Variants in PPFIBP2 observed in about 807,000 individuals in gnomAD.
PPFIBP2 encodes liprin-beta-2.
Under a neutral mutation model 118.3 loss-of-function variants are expected in PPFIBP2, and 118 were observed. That is an observed-to-expected ratio of 1.00 (90% CI 0.86 to 1.16). The LOEUF (loss-of-function observed/expected upper bound fraction) is 1.16. Among genes scored for constraint, PPFIBP2 ranks in the 50% most tolerant of loss-of-function variants. The pLI is 0.00. For missense variants in PPFIBP2, 1,195 were observed against 1,073.1 expected (o/e 1.11, Z -1.59); for synonymous variants, 414 against 397.4 (o/e 1.04, Z -0.50).
At chr11:7,590,823 T>C (rs913250079) in intron 3 of PPFIBP2, among the ~76,000 whole-genome samples, 3 of 152,254 alleles carry the variant, frequency 2.0e-5, no homozygotes, top group Admixed American at 6.5e-5. Context: ...TGAGTTCTAC[T>C]GGGCTCTGTT....
chr11:7,644,945 T>A (rs913173626), intron 17 of PPFIBP2, among the ~76,000 whole-genome samples: 1 of 131,348 alleles, frequency 7.6e-6, no homozygotes, highest in Admixed American at 9.7e-5. Context: ...GAGAATGGCG[T>A]GAACCCGGGA....
chr11:7,605,172 G>A (rs1008173308), intron 5 of PPFIBP2, among the ~76,000 whole-genome samples: 2 of 152,218 alleles, frequency 1.3e-5, no homozygotes, highest in Admixed American at 1.3e-4. Flanking sequence ...ATGTACAATT[G>A]TCGCAGTTTA....
chr11:7,664,201 G>T, the PPFIBP2 span, among the ~76,000 whole-genome samples: 1 of 152,192 alleles, frequency 6.6e-6, no homozygotes, highest in East Asian at 1.9e-4. Flanking sequence ...ATGGGGGTTT[G>T]GGGAAGGAGT....
At chr11:7,529,711 T>G (rs1850521076) in intron 1 of PPFIBP2, among the ~76,000 whole-genome samples, 1 of 152,188 alleles carries the variant, frequency 6.6e-6, no homozygotes, top group Non-Finnish European at 1.5e-5. Flanking sequence ...TCCCCAGCGG[T>G]GTCTTCTCTG....
intron 1 of PPFIBP2, among the ~76,000 whole-genome samples, chr11:7,515,461 G>A (rs1849150196): frequency 6.6e-6 from 1 of 152,186 alleles, no homozygotes. Flanking sequence ...TAGGAACAAA[G>A]TTATGGGAAT....
chr11:7,532,511 G>A (rs1850789065), intron 1 of PPFIBP2, among the ~76,000 whole-genome samples: 1 of 152,234 alleles, frequency 6.6e-6, no homozygotes, highest in Non-Finnish European at 1.5e-5. Context: ...CAGCTAGCTA[G>A]TGGAGGAAGC....
Position 7,636,288 on chromosome 11 carries a change from C to CAACCGTAT in PPFIBP2, c.1236+695_1236+696insAACCGTAT, listed in dbSNP as rs5742006. 7.3e-5 allele frequency among the ~76,000 whole-genome samples: 11 copies of CAACCGTAT among 151,572 alleles called. No homozygotes were observed. The East Asian group carries it at 2.1e-3, about 30-fold the overall frequency. Reference sequence around the variant, plus strand: ...CTGAGAGGGTCATTTTATATTTTCACGGTAAAATGGGGCATCTCTGCTCCT... The same window carrying CAACCGTAT: ...CTGAGAGGGTCATTTTATATTTTCACAACCGTATGGTAAAATGGGGCATCTCTGCTCCT... On this transcript the variant is annotated intron_variant, in intron 14 of 23. Coordinates refer to ENST00000299492, the MANE Select transcript of PPFIBP2 (RefSeq NM_003621.5).
intron 14 of PPFIBP2, among the ~76,000 whole-genome samples, chr11:7,636,746 C>T (rs1390601297): frequency 6.6e-6 from 1 of 152,180 alleles, no homozygotes; most frequent in Non-Finnish European, 1.5e-5. Flanking sequence ...GAAAAAAATG[C>T]TCCAGATTAA....
chr11:7,641,139 A>G (rs1852135804), intron 15 of PPFIBP2: 1 of 1,190,902 alleles, frequency 8.4e-7, no homozygotes, highest in East Asian at 5.2e-5. Context: ...CCCCTTCACC[A>G]GCACTCAGCC....
At chr11:7,529,436 C>T (rs1850493162) in intron 1 of PPFIBP2, among the ~76,000 whole-genome samples, 1 of 152,176 alleles carries the variant, frequency 6.6e-6, no homozygotes, top group Non-Finnish European at 1.5e-5. Context: ...GTCTGGCTAT[C>T]GGTGTCCCCA....
intron 3 of PPFIBP2, among the ~76,000 whole-genome samples, chr11:7,575,989 T>G (rs990820987): frequency 3.3e-4 from 50 of 152,252 alleles, no homozygotes; most frequent in African/African-American, 1.2e-3. Context: ...AGAGCTCTCC[T>G]CCTTGCCGCC....
Position 7,653,102 on chromosome 11 carries a change from A to C in PPFIBP2, c.2515A>C (p.Met839Leu). 3 of 1,614,218 alleles carry C rather than the reference A, an allele frequency of 1.9e-6. No homozygotes were observed. The highest frequency in any genetic ancestry group is 1.7e-6 in the Non-Finnish European group (2 of 1,180,002). Residue 839 changes from methionine (M) to leucine (L), a missense_variant, in exon 24 of 24, where the codon ATG (methionine) becomes CTG (leucine). Physicochemically the swap from Met to Leu is conservative, Grantham distance 15. Coordinates refer to ENST00000299492, the MANE Select transcript of PPFIBP2 (RefSeq NM_003621.5). ...TGAATCGACGGACTACATTTGCCCA[A>C]TGGAGCCCAGTGACGGTGTCAGTGA... ...FDESTDYICP[M>L]EPSDGVSDSH...
chr11:7,652,138 C>T (rs1854126731), intron 23 of PPFIBP2, among the ~76,000 whole-genome samples: 2 of 152,278 alleles, frequency 1.3e-5, no homozygotes, highest in Admixed American at 1.3e-4. Context: ...TGCTGTGACT[C>T]ACCTTGCAGA....
At chr11:7,555,940 A>G (rs1446158976) in intron 2 of PPFIBP2, among the ~76,000 whole-genome samples, 1 of 151,910 alleles carries the variant, frequency 6.6e-6, no homozygotes, top group Non-Finnish European at 1.5e-5. Flanking sequence ...TGGTGTGGAC[A>G]GGTTTTAATT....
intron 6 of PPFIBP2, 151 bp from the exon 7 acceptor site, chr11:7,620,784 T>C: frequency 1.5e-6 from 1 of 645,780 alleles, no homozygotes. Flanking sequence ...CATACAGCTT[T>C]CCTGAAACAA....
intron 1 of PPFIBP2, among the ~76,000 whole-genome samples, chr11:7,537,652 G>A (rs951176657): frequency 1.3e-5 from 2 of 152,168 alleles, no homozygotes; most frequent in African/African-American, 4.8e-5. Context: ...AGTTCTCTAA[G>A]TGGCTACGGT....
intron 15 of PPFIBP2, 92 bp from the exon 16 acceptor site, chr11:7,641,387 C>A: frequency 7.1e-7 from 1 of 1,405,830 alleles, no homozygotes; most frequent in South Asian, 1.3e-5. Flanking sequence ...ATTCTCTGGA[C>A]TCCCACTGAA....
In PPFIBP2 at chr11:7,633,027, A is replaced by C. The variant is rs1049752465; in HGVS notation, c.1136+93A>C. ...ATGGTGATGACCGTGAATGGTGAGC[A>C]TGGCCACTGAGTCCTAGGTGCACCT... On this transcript the variant is annotated intron_variant, in intron 12 of 23. Transcript: ENST00000299492. The C allele has an allele frequency of 5.2e-6, 6 of 1,161,952 alleles. No homozygotes were observed. The Admixed American group carries it at 1.1e-4, about 22-fold the overall frequency. 72.0% of individuals were successfully genotyped at this position (1,161,952 alleles called of 1,614,324 possible). A position where few individuals can be genotyped will look rare whatever the true frequency, so the allele number is the denominator to read the frequency against.
rs979661912 is a variant in PPFIBP2, at chr11:7,649,658, A to G, written c.2121+4A>G. ...GCACCGGCGGCCAGCTGATGAGGTGAGACCACAAATAGTATCTCTCCAGGT... is the reference window on the plus strand; with the variant it reads ...GCACCGGCGGCCAGCTGATGAGGTGGGACCACAAATAGTATCTCTCCAGGT... On this transcript the variant is annotated splice_donor_region_variant and intron_variant, in intron 21 of 23. Transcript: ENST00000299492. 3.1e-6 allele frequency: 5 copies of G among 1,614,224 alleles called. No individual in the cohort carries two copies. The highest frequency in any genetic ancestry group is 1.7e-5 in the Admixed American group (1 of 60,030).
Sources: gnomAD v4.1 joint callset for allele counts (sites outside exome capture counted in the v4.1 genomes callset) on GRCh38, gnomAD v4.1.1 for gene constraint, MANE v1.5 for transcripts, NCBI Gene and HGNC (gene_info 2026-07-23, HGNC 2026-07-21) for gene names.